FRMD4A: variants seen among roughly 807,000 people sequenced by gnomAD.
FRMD4A encodes the protein FERM domain containing 4A, also known as FERM domain-containing protein 4A.
Under a neutral mutation model 129.1 loss-of-function variants are expected in FRMD4A, and 29 were observed. The ratio of observed to expected loss-of-function variants is 0.22; its 90% CI spans 0.17 to 0.31. The LOEUF is 0.31. Among genes scored for constraint, FRMD4A ranks in the 10% least tolerant of loss-of-function variants. The pLI is 1.00. For synonymous variants in FRMD4A, 634 were observed against 571.6 expected, an observed-to-expected ratio of 1.11 and a Z score of -1.56; for missense variants, 1,272 against 1,375.8, an observed-to-expected ratio of 0.92 and a Z score of 1.19.
At chr10:13,992,479 G>A (rs913331930) in intron 2 of FRMD4A, among the ~76,000 whole-genome samples, 1 of 152,112 alleles carries the variant, frequency 6.6e-6, no homozygotes, top group African/African-American at 2.4e-5. Flanking sequence ...CCTAAGTCTC[G>A]GGTCACATGG....
intron 2 of FRMD4A, among the ~76,000 whole-genome samples, chr10:14,231,836 G>T (rs1843650853): frequency 6.6e-6 from 1 of 152,124 alleles, no homozygotes; most frequent in Admixed American, 6.5e-5. Flanking sequence ...TTAGACCTTT[G>T]TCAGATGCAT....
intron 2 of FRMD4A, among the ~76,000 whole-genome samples, chr10:14,263,135 C>G (rs1012138185): frequency 1.3e-5 from 2 of 152,180 alleles, no homozygotes; most frequent in Non-Finnish European, 2.9e-5. Context: ...AATGGAAATA[C>G]AGCCATAAGG....
intron 12 of FRMD4A, chr10:13,727,911 T>A (rs2090024549): frequency 6.7e-6 from 1 of 149,166 alleles, no homozygotes; most frequent in Non-Finnish European, 1.5e-5. Flanking sequence ...ACTATTGCTG[T>A]AGCTTTCTTT....
At chr10:14,235,685 G>C (rs368786849) in intron 2 of FRMD4A, among the ~76,000 whole-genome samples, 1 of 152,200 alleles carries the variant, frequency 6.6e-6, no homozygotes, top group African/African-American at 2.4e-5. Context: ...ACTCTCCAGC[G>C]GCTTAAGACA....
intron 2 of FRMD4A, among the ~76,000 whole-genome samples, chr10:13,907,169 T>A (rs2094890693): frequency 6.6e-6 from 1 of 152,158 alleles, no homozygotes; most frequent in Non-Finnish European, 1.5e-5. Flanking sequence ...CATCAGAAGG[T>A]AGTCTGTAGA....
chr10:14,180,097 T>C (rs1326438867), intron 2 of FRMD4A, among the ~76,000 whole-genome samples: 1 of 152,082 alleles, frequency 6.6e-6, no homozygotes, highest in South Asian at 2.1e-4. Context: ...AACCTCACAA[T>C]GATCCCATGA....
chr10:14,061,217 G>C (rs953356154), intron 2 of FRMD4A, among the ~76,000 whole-genome samples: 1 of 152,118 alleles, frequency 6.6e-6, no homozygotes, highest in South Asian at 2.1e-4. Context: ...AGGCCGAAGC[G>C]GGTGGACTAC....
At chr10:13,807,097 G>A (rs1386880424) in intron 4 of FRMD4A, among the ~76,000 whole-genome samples, 2 of 152,162 alleles carry the variant, frequency 1.3e-5, no homozygotes, top group African/African-American at 2.4e-5. Flanking sequence ...GTGAGCCACC[G>A]CGCCTGGCCA....
chr10:14,050,040 AT>A (rs1306236598), intron 2 of FRMD4A, among the ~76,000 whole-genome samples: 1 of 152,204 alleles, frequency 6.6e-6, no homozygotes, highest in Non-Finnish European at 1.5e-5. Flanking sequence ...CTTTGGCACC[AT>A]CACTTACACA....
At chr10:14,058,436 G>A (rs950228406) in intron 2 of FRMD4A, among the ~76,000 whole-genome samples, 67 of 152,094 alleles carry the variant, frequency 4.4e-4, no homozygotes, top group African/African-American at 1.6e-3. Context: ...CCACTGGCAG[G>A]CAATGGGAGA....
chr10:13,913,716 C>A (rs1367435432), intron 2 of FRMD4A, among the ~76,000 whole-genome samples: 1 of 152,034 alleles, frequency 6.6e-6, no homozygotes, highest in Non-Finnish European at 1.5e-5. Flanking sequence ...GATGGGGTAT[C>A]CTTAGTAAAT....
At chr10:13,971,761 C>T in intron 2 of FRMD4A, 1 of 1,304,474 alleles carries the variant, frequency 7.7e-7, no homozygotes, top group South Asian at 1.2e-5. Context: ...GGTTCCAACT[C>T]CACGGTGGGT....
rs764859930 is a variant in FRMD4A at position 13,654,510 on chromosome 10, C to T, written c.2956G>A (p.Ala986Thr). 8.1e-6 allele frequency: 13 copies of T among 1,603,388 alleles called. No individual in the cohort carries two copies. Among genetic ancestry groups the T allele is most frequent in the Middle Eastern group, 3.3e-4 (2 of 6,066 alleles). ...GAGCTTCTCTGGCTTTGAGGTAAGG[C>T]AGCTACATGCAGGTGGTGCAAGAAA... ...MPQMCKATSA[A>T]LPQSQRSSTP... Residue 986 changes from alanine (A) to threonine (T), a missense_variant and splice_region_variant, in exon 23 of 25, where the codon GCC becomes ACC. Ala to Thr is a moderately conservative substitution (Grantham distance 58). Coordinates refer to ENST00000357447, the MANE Select transcript of FRMD4A (RefSeq NM_018027.5).
At chr10:13,961,562 G>C (rs1287500576) in intron 2 of FRMD4A, among the ~76,000 whole-genome samples, 5 of 152,194 alleles carry the variant, frequency 3.3e-5, no homozygotes, top group African/African-American at 1.2e-4. Context: ...ACTTTGGTTT[G>C]ATACCAAATG....
At chr10:14,327,127 T>G in intron 2 of FRMD4A, 1 of 396,708 alleles carries the variant, frequency 2.5e-6, no homozygotes, top group Non-Finnish European at 4.4e-6. Context: ...TGAAAAGGCC[T>G]CTGAGACACT....
At chr10:14,225,422 G>T (rs963865123) in intron 2 of FRMD4A, among the ~76,000 whole-genome samples, 1 of 152,204 alleles carries the variant, frequency 6.6e-6, no homozygotes, top group Non-Finnish European at 1.5e-5. Context: ...CAATCTGATC[G>T]AAGAGATTAA....
chr10:13,877,238 T>C (rs929979803), intron 2 of FRMD4A, among the ~76,000 whole-genome samples: 1 of 152,330 alleles, frequency 6.6e-6, no homozygotes, highest in South Asian at 2.1e-4. Context: ...TGGCCACCTA[T>C]GAGGTTAGTA....
chr10:14,164,386 T>C (rs1181185115), intron 2 of FRMD4A, among the ~76,000 whole-genome samples: 2 of 152,198 alleles, frequency 1.3e-5, no homozygotes, highest in Admixed American at 6.5e-5. Flanking sequence ...TAGCTGGCAA[T>C]GAGCCCCAGG....
intron 3 of FRMD4A, among the ~76,000 whole-genome samples, chr10:13,845,523 C>T (rs2094031836): frequency 6.6e-6 from 1 of 152,194 alleles, no homozygotes; most frequent in South Asian, 2.1e-4. Context: ...CTCTTAAATG[C>T]TTTCCTCAAA....
Sources: gnomAD v4.1 joint callset for allele counts (sites outside exome capture counted in the v4.1 genomes callset) on GRCh38, gnomAD v4.1.1 for gene constraint, MANE v1.5 for transcripts, NCBI Gene and HGNC (gene_info 2026-07-23, HGNC 2026-07-21) for gene names.